NEBL: variants seen among roughly 807,000 people sequenced by gnomAD.
The protein encoded by NEBL is nebulette, also known as LIM and SH3 protein 2.
Under a neutral mutation model 140.2 loss-of-function variants are expected in NEBL, and 122 were observed. The observed-to-expected ratio is 0.87, with a 90% confidence interval of 0.75 to 1.01. The LOEUF (loss-of-function observed/expected upper bound fraction) is 1.01. NEBL is among the 50% of genes least tolerant of loss of function. The probability of loss-of-function intolerance (pLI) is 0.00; values close to 1 mark genes in which losing one functional copy is unlikely to be tolerated. For missense variants in NEBL, 1,365 were observed against 1,231.3 expected, an observed-to-expected ratio of 1.11 and a Z score of -1.62; for synonymous variants, 436 against 398.9, an observed-to-expected ratio of 1.09 and a Z score of -1.11.
chr10:21,041,746 T>G (rs775516745), intron 2 of NEBL, among the ~76,000 whole-genome samples: 3 of 152,172 alleles, frequency 2.0e-5, no homozygotes, highest in Non-Finnish European at 4.4e-5. Context: ...TGAGTATACT[T>G]ATAGTTATTT....
intron 2 of NEBL, among the ~76,000 whole-genome samples, chr10:21,067,183 G>T (rs999344265): frequency 6.6e-6 from 1 of 151,990 alleles, no homozygotes; most frequent in Admixed American, 6.6e-5. Flanking sequence ...GTGTTAGCCA[G>T]GATGGTCTCG....
intron 3 of NEBL, among the ~76,000 whole-genome samples, chr10:20,989,636 T>C (rs1837384114): frequency 6.6e-6 from 1 of 152,158 alleles, no homozygotes; most frequent in Non-Finnish European, 1.5e-5. Context: ...CATGAAGTAC[T>C]AGCATGGGAC....
At chr10:20,872,226 C>T (rs1329129155) in intron 5 of NEBL, among the ~76,000 whole-genome samples, 1 of 152,082 alleles carries the variant, frequency 6.6e-6, no homozygotes, top group Non-Finnish European at 1.5e-5. Flanking sequence ...GCCCCATCAT[C>T]CATGTAAATT....
intron 4 of NEBL, among the ~76,000 whole-genome samples, chr10:20,883,958 A>G (rs1846237405): frequency 6.6e-6 from 1 of 152,192 alleles, no homozygotes; most frequent in South Asian, 2.1e-4. Flanking sequence ...AATTATGTCA[A>G]GCTAATAAAT....
chr10:21,227,711 T>TTCTTCTTCTTCTTC (rs1456600511), intron 3 of NEBL, among the ~76,000 whole-genome samples: 7 of 46,416 alleles, frequency 1.5e-4, no homozygotes, highest in Non-Finnish European at 2.5e-4. Context: ...CTTCTTCTTC[T>TTCTTCTTCTTCTTC]TTCTTCTTCT....
intron 14 of NEBL, among the ~76,000 whole-genome samples, chr10:20,833,474 G>T (rs948700413): frequency 1.3e-5 from 2 of 152,172 alleles, no homozygotes; most frequent in Non-Finnish European, 2.9e-5. Flanking sequence ...ATATGCAAAT[G>T]AGATTTTTAT....
intron 3 of NEBL, among the ~76,000 whole-genome samples, chr10:21,229,662 C>CT: frequency 6.6e-6 from 1 of 152,052 alleles, no homozygotes; most frequent in Non-Finnish European, 1.5e-5. Flanking sequence ...CATTTCTATT[C>CT]TGTATCTCTC....
intron 4 of NEBL, among the ~76,000 whole-genome samples, chr10:20,945,543 A>G (rs1835113060): frequency 6.6e-6 from 1 of 152,216 alleles, no homozygotes; most frequent in Admixed American, 6.5e-5. Flanking sequence ...GGAAAAATGC[A>G]AAGCCTTCTT....
At chr10:20,887,722 A>T (rs554985220) in intron 4 of NEBL, among the ~76,000 whole-genome samples, 113 of 152,218 alleles carry the variant, frequency 7.4e-4, no homozygotes, top group African/African-American at 2.4e-3. Flanking sequence ...CAGCCCCATT[A>T]TCTCTTTATG....
chr10:21,186,981 A>G (rs1841483473), intron 3 of NEBL, among the ~76,000 whole-genome samples: 1 of 127,100 alleles, frequency 7.9e-6, no homozygotes, highest in South Asian at 2.6e-4. Flanking sequence ...CAGAGGGCCA[A>G]CTCTGTATGT....
intron 2 of NEBL, among the ~76,000 whole-genome samples, chr10:21,089,167 G>A (rs867376969): frequency 3.9e-5 from 6 of 152,078 alleles, no homozygotes; most frequent in African/African-American, 7.3e-5. Flanking sequence ...CTGCTTGAGC[G>A]GAGTCTAGAG....
chr10:21,033,643 G>A (rs1247707874), intron 2 of NEBL, among the ~76,000 whole-genome samples: 2 of 151,884 alleles, frequency 1.3e-5, no homozygotes, highest in African/African-American at 4.8e-5. Context: ...GGGAGGCTGA[G>A]GCAGGAGAAT....
chr10:20,981,770 G>A (rs1056200623), intron 3 of NEBL, among the ~76,000 whole-genome samples: 49 of 152,244 alleles, frequency 3.2e-4, no homozygotes, highest in African/African-American at 5.5e-4. Flanking sequence ...GCCACCTTGC[G>A]ACCATGAGGT....
intron 2 of NEBL, among the ~76,000 whole-genome samples, chr10:21,141,469 A>G (rs1489497860): frequency 6.6e-6 from 1 of 152,224 alleles, no homozygotes; most frequent in African/African-American, 2.4e-5. Flanking sequence ...TTTGGAAAAA[A>G]GCATACAAGA....
intron 4 of NEBL, among the ~76,000 whole-genome samples, chr10:20,910,572 G>A (rs1381124911): frequency 1.3e-5 from 2 of 152,148 alleles, no homozygotes; most frequent in Non-Finnish European, 2.9e-5. Context: ...GTTTGAAAAG[G>A]AGCAAGCATT....
intron 4 of NEBL, among the ~76,000 whole-genome samples, chr10:20,924,976 C>T (rs1006921631): frequency 6.6e-6 from 1 of 151,668 alleles, no homozygotes; most frequent in African/African-American, 2.4e-5. Flanking sequence ...CAACCCCCTG[C>T]TCTATACCAC....
chr10:20,821,704 T>C (rs1839334650), intron 19 of NEBL, among the ~76,000 whole-genome samples: 1 of 152,188 alleles, frequency 6.6e-6, no homozygotes, highest in Non-Finnish European at 1.5e-5. Context: ...AGCCACATAA[T>C]ATCTACCGGA....
chr10:20,897,357 T>A (rs1420745943), upstream of NEBL: 3 of 1,456,984 alleles, frequency 2.1e-6, no homozygotes, highest in African/African-American at 4.3e-5. Context: ...CTTCACTCCT[T>A]ATCTCAGTGG....
chr10:20,959,037 C>T (rs908285085), intron 4 of NEBL, among the ~76,000 whole-genome samples: 2 of 152,080 alleles, frequency 1.3e-5, no homozygotes, highest in Admixed American at 6.6e-5. Context: ...AACATATTAC[C>T]CAAAACACTT....
Sources: gnomAD v4.1 joint callset for allele counts (sites outside exome capture counted in the v4.1 genomes callset) on GRCh38, gnomAD v4.1.1 for gene constraint, MANE v1.5 for transcripts, NCBI Gene and HGNC (gene_info 2026-07-23, HGNC 2026-07-21) for gene names.